OPRM1: variants seen among roughly 807,000 people sequenced by gnomAD.
OPRM1 encodes the protein mu-type opioid receptor.
In OPRM1, 27 loss-of-function variants were observed where a neutral mutation model predicts 31.8. That is an observed-to-expected ratio of 0.85 (90% CI 0.63 to 1.17). The LOEUF (loss-of-function observed/expected upper bound fraction) is 1.17. Ranked by LOEUF, OPRM1 falls within the 50% of genes most tolerant of loss-of-function variation. The pLI is 0.00. For missense variants in OPRM1, 536 were observed against 511.1 expected, an observed-to-expected ratio of 1.05 and a Z score of -0.47; for synonymous variants, 196 against 189.9, an observed-to-expected ratio of 1.03 and a Z score of -0.26.
intron 3 of OPRM1, chr6:154,093,221 T>A: frequency 6.6e-7 from 1 of 1,518,246 alleles, no homozygotes; most frequent in Non-Finnish European, 8.9e-7. Context: ...AATATTTCCA[T>A]TGGAGCAAAA....
chr6:154,211,572 T>G (rs1461179634), intron 3 of OPRM1, among the ~76,000 whole-genome samples: 1 of 152,150 alleles, frequency 6.6e-6, no homozygotes, highest in Non-Finnish European at 1.5e-5. Context: ...TACTTCCTCA[T>G]GACCTAGAAT....
At chr6:154,080,430 C>A (rs1425695816) in intron 1 of OPRM1, among the ~76,000 whole-genome samples, 2 of 152,302 alleles carry the variant, frequency 1.3e-5, no homozygotes, top group African/African-American at 4.8e-5. Flanking sequence ...AAAACCAGAT[C>A]CTCTACTTAC....
chr6:154,143,066 A>G (rs1798262565), intron 3 of OPRM1, among the ~76,000 whole-genome samples: 1 of 152,246 alleles, frequency 6.6e-6, no homozygotes, highest in Non-Finnish European at 1.5e-5. Context: ...CCAGACTAAT[A>G]GAGTCTCATT....
intron 1 of OPRM1, among the ~76,000 whole-genome samples, chr6:154,055,978 A>T (rs1418629304): frequency 1.3e-5 from 2 of 152,200 alleles, no homozygotes; most frequent in Non-Finnish European, 2.9e-5. Context: ...TAACAATGGC[A>T]TTCTCTGAAC....
At chr6:154,176,528 A>G (rs1393734784) in intron 3 of OPRM1, among the ~76,000 whole-genome samples, 4 of 152,076 alleles carry the variant, frequency 2.6e-5, no homozygotes, top group African/African-American at 9.7e-5. Context: ...ATACACCAAT[A>G]ACAGACAGAG....
chr6:154,099,441 GAAGA>G (rs1381584724), intron 3 of OPRM1, among the ~76,000 whole-genome samples: 3 of 114,526 alleles, frequency 2.6e-5, no homozygotes, highest in East Asian at 2.9e-4. Context: ...AGGGAGGGAG[GAAGA>G]AAGAAAGAGA....
intron 1 of OPRM1, among the ~76,000 whole-genome samples, chr6:154,065,224 A>G (rs541316837): frequency 1.4e-5 from 2 of 146,514 alleles, no homozygotes; most frequent in Non-Finnish European, 3.0e-5. Flanking sequence ...ATCTCGGCTC[A>G]CTGCAACCTC....
chr6:154,141,167 A>G (rs1798196935), intron 3 of OPRM1, among the ~76,000 whole-genome samples: 1 of 152,192 alleles, frequency 6.6e-6, no homozygotes, highest in South Asian at 2.1e-4. Context: ...GAAAGATAAA[A>G]CCTACCTCAC....
intron 3 of OPRM1, chr6:154,214,241 T>G (rs2128607858): frequency 6.2e-7 from 1 of 1,610,906 alleles, no homozygotes; most frequent in Non-Finnish European, 8.5e-7. Flanking sequence ...AGTGGATTCC[T>G]GATGGATTAC....
At chr6:154,090,499 G>A (rs1245091393) in intron 2 of OPRM1, among the ~76,000 whole-genome samples, 1 of 152,110 alleles carries the variant, frequency 6.6e-6, no homozygotes, top group Non-Finnish European at 1.5e-5. Flanking sequence ...TTACACTGAG[G>A]CTTGTTTAAA....
chr6:154,079,041 G>T (rs897106040), intron 1 of OPRM1, among the ~76,000 whole-genome samples: 1 of 152,190 alleles, frequency 6.6e-6, no homozygotes, highest in Non-Finnish European at 1.5e-5. Context: ...ACATTTGAGA[G>T]GATAGGAGAA....
chr6:154,104,415 G>C (rs1164832960), intron 3 of OPRM1, among the ~76,000 whole-genome samples: 7 of 152,164 alleles, frequency 4.6e-5, no homozygotes. Context: ...ACAACTGTTG[G>C]AACTAAGCTG....
chr6:154,199,062 C>T lies in OPRM1; in HGVS notation c.1165-47631C>T, dbSNP rs1339566242. On this transcript the variant is annotated intron_variant, in intron 3 of 3. Transcript: ENST00000337049. ...TATTTTTTAAACCTCATATTATTAA[C>T]TTCCACACACAATTAATTCTTTCCT... Among the ~76,000 whole-genome samples the T allele has an allele frequency of 2.0e-5, 3 of 152,222 alleles. No individual in the cohort carries two copies. The East Asian group carries it at 5.8e-4, about 29-fold the overall frequency.
chr6:154,032,432 A>G (rs1032211587), intron 1 of OPRM1, among the ~76,000 whole-genome samples: 1 of 152,122 alleles, frequency 6.6e-6, no homozygotes, highest in African/African-American at 2.4e-5. Flanking sequence ...AAGAATTTAT[A>G]CTTCTTTTAA....
chr6:154,039,979 G>T, intron 1 of OPRM1, 145 bp downstream of exon 1: 1 of 595,388 alleles, frequency 1.7e-6, no homozygotes, highest in Non-Finnish European at 2.7e-6. Flanking sequence ...ACCACGGACA[G>T]TGATTGTTAT....
intron 3 of OPRM1, among the ~76,000 whole-genome samples, chr6:154,102,530 A>G (rs1320680100): frequency 3.3e-5 from 5 of 152,170 alleles, no homozygotes; most frequent in African/African-American, 1.2e-4. Flanking sequence ...GTACCAAAAG[A>G]GATCATAAAG....
intron 1 of OPRM1, among the ~76,000 whole-genome samples, chr6:154,083,150 G>A (rs1388533343): frequency 6.6e-6 from 1 of 152,134 alleles, no homozygotes. Flanking sequence ...AGTATCTCTC[G>A]TTCCATTTCC....
chr6:154,244,299 T>TGGGG (rs1166657406), intron 3 of OPRM1, among the ~76,000 whole-genome samples: 1 of 68,356 alleles, frequency 1.5e-5, no homozygotes, highest in African/African-American at 6.2e-5. Flanking sequence ...TGTGTGTGGG[T>TGGGG]GGGTGTGTGT....
intron 3 of OPRM1, among the ~76,000 whole-genome samples, chr6:154,181,639 C>T (rs72999463): frequency 6.6e-6 from 1 of 152,312 alleles, no homozygotes; most frequent in Non-Finnish European, 1.5e-5. Flanking sequence ...GCTTGAACTA[C>T]TGCATCTTCA....
Sources: gnomAD v4.1 joint callset for allele counts (sites outside exome capture counted in the v4.1 genomes callset) on GRCh38, gnomAD v4.1.1 for gene constraint, MANE v1.5 for transcripts, NCBI Gene and HGNC (gene_info 2026-07-23, HGNC 2026-07-21) for gene names.